The following YES1 variants were observed in gnomAD, a reference collection of about 807,000 sequenced individuals.
The protein encoded by YES1 is tyrosine-protein kinase Yes.
In YES1, 39 loss-of-function variants were observed where a neutral mutation model predicts 70.4. The observed-to-expected ratio is 0.55, with a 90% CI of 0.43 to 0.72. The LOEUF (loss-of-function observed/expected upper bound fraction) is 0.72, where lower values mean the gene tolerates loss of function less well. YES1 is among the 30% of genes least tolerant of loss of function. YES1 has a pLI of 0.00. For synonymous variants in YES1, 198 were observed against 218.6 expected (o/e 0.91, Z 0.83); for missense variants, 495 against 644.8 (o/e 0.77, Z 2.52).
chr18:758,402 C>A (rs1478748518), intron 1 of YES1, among the ~76,000 whole-genome samples: 1 of 152,108 alleles, frequency 6.6e-6, no homozygotes, highest in African/African-American at 2.4e-5. Flanking sequence ...CAAATTTAAC[C>A]CCAATCTATC....
At chr18:763,433 G>A (rs544177057) in intron 1 of YES1, among the ~76,000 whole-genome samples, 3 of 152,226 alleles carry the variant, frequency 2.0e-5, no homozygotes, top group East Asian at 3.9e-4. Flanking sequence ...GGCGGCTCAT[G>A]TCTGTAATCT....
chr18:739,916 T>C, intron 8 of YES1, 105 bp from the exon 9 acceptor site: 1 of 834,840 alleles, frequency 1.2e-6, no homozygotes, highest in South Asian at 2.4e-5. Flanking sequence ...TCTTAGCTTT[T>C]CATTTTTTTT....
chr18:784,887 C>A (rs1043054910), intron 1 of YES1, among the ~76,000 whole-genome samples: 6 of 152,158 alleles, frequency 3.9e-5, no homozygotes, highest in Non-Finnish European at 8.8e-5. Context: ...ACCATGTAAC[C>A]TAATATATTC....
Position 723,656 on chromosome 18 carries a change from C to T in YES1, c.*768G>A, listed in dbSNP as rs1347920264. The T allele has an allele frequency of 1.3e-5, 2 of 152,610 alleles. No homozygotes were observed. The highest frequency in any genetic ancestry group is 4.8e-5 in the African/African-American group (2 of 41,438). 9.5% of individuals were successfully genotyped at this position (152,610 alleles called of 1,614,324 possible). ...GACAGTAGTTTCAATTATATATTGC[C>T]TTAAAAAATCAATGCAACCTCATAC... is the stretch of plus-strand genomic sequence containing the variant. On this transcript the variant is annotated 3_prime_UTR_variant, in exon 12 of 12. Transcript: ENST00000314574.
At chr18:792,810 T>A (rs1906337143) in intron 1 of YES1, among the ~76,000 whole-genome samples, 1 of 149,976 alleles carries the variant, frequency 6.7e-6, no homozygotes, top group Non-Finnish European at 1.5e-5. Context: ...TTTAAAAAAA[T>A]GTAAAAAAGA....
chr18:756,977 A>C (rs1234573945), intron 1 of YES1, 142 bp from the exon 2 acceptor site: 4 of 836,092 alleles, frequency 4.8e-6, no homozygotes, highest in Non-Finnish European at 7.2e-6. Flanking sequence ...AGAAAGCTGA[A>C]AACGAGGTCT....
Position 787,080 on chromosome 18 carries a change from C to CTTTTTTTTTT in YES1, c.-9+25024_-9+25033dup, listed in dbSNP as rs71174290. Among the ~76,000 whole-genome samples, 20 of 34,754 alleles carry CTTTTTTTTTT rather than the reference C, an allele frequency of 5.8e-4. 5 individuals carry two copies. Among genetic ancestry groups the CTTTTTTTTTT allele is most frequent in the Admixed American group, 1.1e-3 (2 of 1,804 alleles). 22.8% of individuals were successfully genotyped at this position (34,754 alleles called of 152,430 possible). On this transcript the variant is annotated intron_variant, in intron 1 of 11. Transcript: ENST00000314574. ...TTTAAAAAACTGTGATACATACTGT[C>CTTTTTTTTTT]TTTTTTTTTTTTTTTTTTTTTTTTT... is the stretch of plus-strand genomic sequence containing the variant.
chr18:798,658 G>A (rs1008273430), intron 1 of YES1, among the ~76,000 whole-genome samples: 2 of 152,118 alleles, frequency 1.3e-5, no homozygotes, highest in African/African-American at 4.8e-5. Flanking sequence ...GTATGTAGAT[G>A]GACATATAAT....
Position 749,457 on chromosome 18 carries a change from C to A in YES1, c.372-1439G>T, listed in dbSNP as rs778034280. ...AGTTTGCAGTCAGCCAAGATCATGC[C>A]ATTGCACTCCAGCCTGGGTGACAAG... On this transcript the variant is annotated intron_variant, in intron 3 of 11. Transcript: ENST00000314574. 5.4e-4 allele frequency among the ~76,000 whole-genome samples: 82 copies of A among 152,196 alleles called. 1 individual carries two copies. The highest frequency in any genetic ancestry group is 2.1e-3 in the East Asian group (11 of 5,174).
chr18:741,242 CTTT>C (rs559380772), intron 8 of YES1, among the ~76,000 whole-genome samples: 3 of 144,540 alleles, frequency 2.1e-5, no homozygotes, highest in African/African-American at 5.0e-5. Flanking sequence ...TCCTTTTCTC[CTTT>C]TTTTTTTTTT....
chr18:801,270 C>T (rs1047425967), intron 1 of YES1, among the ~76,000 whole-genome samples: 12 of 152,258 alleles, frequency 7.9e-5, no homozygotes, highest in African/African-American at 2.6e-4. Flanking sequence ...GAAGAAGAGG[C>T]TGCAGTTAGC....
chr18:792,583 G>A (rs1906319039), intron 1 of YES1, among the ~76,000 whole-genome samples: 1 of 137,338 alleles, frequency 7.3e-6, no homozygotes, highest in Non-Finnish European at 1.6e-5. Context: ...GTGTGTGTGT[G>A]TGTATATACA....
chr18:724,189 T>C lies in YES1; in HGVS notation c.*235A>G, dbSNP rs916289520. The C allele has an allele frequency of 4.1e-6, 2 of 490,550 alleles. No individual in the cohort carries two copies. Among genetic ancestry groups the C allele is most frequent in the Admixed American group, 3.3e-5 (1 of 30,350 alleles). The allele number at this position is 490,550 out of a possible 1,614,324, so 30.4% of individuals were successfully genotyped here. A position where few individuals can be genotyped will look rare whatever the true frequency, so the allele number is the denominator to read the frequency against. ...ATGCTGTCACCCACACTGTCATCAG[T>C]ATCTTAGCTCTATTTTGTTTGGACC... is the stretch of plus-strand genomic sequence containing the variant. On this transcript the variant is annotated 3_prime_UTR_variant, in exon 12 of 12. Coordinates refer to ENST00000314574, the MANE Select transcript of YES1 (RefSeq NM_005433.4).
chr18:783,506 T>C (rs182669529), intron 1 of YES1, among the ~76,000 whole-genome samples: 98 of 152,258 alleles, frequency 6.4e-4, no homozygotes, highest in African/African-American at 9.9e-4. Context: ...TTGAGTTGAA[T>C]TGGAAAAACC....
At chr18:749,652 G>A (rs1283206657) in intron 3 of YES1, among the ~76,000 whole-genome samples, 1 of 151,980 alleles carries the variant, frequency 6.6e-6, no homozygotes, top group Middle Eastern at 3.4e-3. Flanking sequence ...TCAGGAGATC[G>A]AGACCATCCT....
At chr18:801,875 C>G (rs1380254714) in intron 1 of YES1, among the ~76,000 whole-genome samples, 2 of 152,166 alleles carry the variant, frequency 1.3e-5, no homozygotes, top group Non-Finnish European at 2.9e-5. Context: ...AAAACATGCT[C>G]TGTTAATCTG....
chr18:773,703 T>G (rs1051134852), intron 1 of YES1, among the ~76,000 whole-genome samples: 2 of 152,234 alleles, frequency 1.3e-5, no homozygotes, highest in Admixed American at 1.3e-4. Flanking sequence ...CCACTTCTTT[T>G]AGCAAACTTT....
In YES1 at chr18:768,306, AC is replaced by A. The variant is rs373908303; in HGVS notation, c.-8-11472del. Among the ~76,000 whole-genome samples, 749 of 152,330 alleles carry A rather than the reference AC, an allele frequency of 4.9e-3. 5 individuals are homozygous for A. Among genetic ancestry groups the A allele is most frequent in the South Asian group, 0.02 (97 of 4,832 alleles). The stretch of plus-strand genomic sequence containing the variant: ...TAATCATACAAATTTTAGAATCTCC[AC>A]AAAAATGCCTGCTGGGATTCTGACT... On this transcript the variant is annotated intron_variant, in intron 1 of 11. Transcript: ENST00000314574.
At chr18:765,079 C>G (rs1355631892) in intron 1 of YES1, among the ~76,000 whole-genome samples, 1 of 151,128 alleles carries the variant, frequency 6.6e-6, no homozygotes, top group Non-Finnish European at 1.5e-5. Flanking sequence ...TAATGTACAG[C>G]TTTAGAGGAA....
Sources: gnomAD v4.1 joint callset for allele counts (sites outside exome capture counted in the v4.1 genomes callset) on GRCh38, gnomAD v4.1.1 for gene constraint, MANE v1.5 for transcripts, NCBI Gene and HGNC (gene_info 2026-07-23, HGNC 2026-07-21) for gene names.